Variants in MTMR4 observed in about 807,000 individuals in gnomAD.
The protein encoded by MTMR4 is phosphatidylinositol-3,5-bisphosphate 3-phosphatase MTMR4.
In MTMR4, 30 loss-of-function variants were observed where a neutral mutation model predicts 125.5. The ratio of observed to expected loss-of-function variants is 0.24; its 90% CI spans 0.18 to 0.32. The LOEUF is 0.32. MTMR4 is among the 10% of genes least tolerant of loss of function. MTMR4 has a pLI of 1.00. For missense variants in MTMR4, 1,039 were observed against 1,511.5 expected (o/e 0.69, Z 5.18); for synonymous variants, 498 against 564.5 (o/e 0.88, Z 1.67).
upstream of MTMR4, chr17:58,515,049 C>T (rs923643860): frequency 1.0e-6 from 1 of 985,282 alleles, no homozygotes. Context: ...CTTTCTTTCC[C>T]CTTAGAATGG....
chr17:58,505,899 T>G (rs1204753151), intron 9 of MTMR4, among the ~76,000 whole-genome samples: 7 of 152,042 alleles, frequency 4.6e-5, no homozygotes, highest in African/African-American at 1.7e-4. Context: ...AGAGCGAGAC[T>G]CCGTCTCAAA....
rs1210683245 is a variant in MTMR4, at chr17:58,504,851, A to G, written c.1269T>C (p.Asp423=). ...CGATCTGCGGTGTGCGGTCCCAGCCATCTGAGCAGTGTACCAGCACAGGCC... is the reference window on the plus strand; with the variant it reads ...CGATCTGCGGTGTGCGGTCCCAGCCGTCTGAGCAGTGTACCAGCACAGGCC... The part of the protein sequence containing the change: ...EGRPVLVHCS[D]GWDRTPQIVA... The change falls in exon 11 of 18, where the codon GAT becomes GAC. Residue 423 remains aspartate (D), a synonymous_variant. Coordinates refer to ENST00000682306, the MANE Select transcript of MTMR4 (RefSeq NM_001378067.1). The surrounding 1 kb of genome is among the most constrained non-coding windows in gnomAD (Gnocchi z 7.1). 6.2e-7 allele frequency: 1 copy of G among 1,614,210 alleles called. No individual in the cohort carries two copies. Among genetic ancestry groups the G allele is most frequent in the East Asian group, 2.2e-5 (1 of 44,882 alleles).
chr17:58,508,366 G>A lies in MTMR4; in HGVS notation c.594-92C>T. Reference sequence around the variant, plus strand: ...ATGGCTTTGTGGGAAGAGAAACCATGAGCCTTCCTCCCTCTCAGACTCAGA... The same window carrying A: ...ATGGCTTTGTGGGAAGAGAAACCATAAGCCTTCCTCCCTCTCAGACTCAGA... On this transcript the variant is annotated intron_variant, in intron 6 of 17. Coordinates refer to ENST00000682306, the MANE Select transcript of MTMR4 (RefSeq NM_001378067.1). The surrounding 1 kb of genome is among the most constrained non-coding windows in gnomAD (Gnocchi z 4.8). 2 of 1,542,392 alleles carry A rather than the reference G, an allele frequency of 1.3e-6. No individual in the cohort carries two copies. The highest frequency in any genetic ancestry group is 1.8e-6 in the Non-Finnish European group (2 of 1,115,312).
chr17:58,505,041 C>T, intron 10 of MTMR4, 67 bp from the exon 11 acceptor site: 1 of 1,446,570 alleles, frequency 6.9e-7, no homozygotes, highest in Non-Finnish European at 9.3e-7. Flanking sequence ...CTCCACCATC[C>T]ACAGCCAGCC....
At chr17:58,493,631 G>A (rs1224239862) in intron 15 of MTMR4, among the ~76,000 whole-genome samples, 3 of 152,184 alleles carry the variant, frequency 2.0e-5, no homozygotes, top group Non-Finnish European at 4.4e-5. Context: ...TAAGACTACA[G>A]GCGTGAGCCA....
In MTMR4 at chr17:58,496,245, G is replaced by A; in HGVS notation, c.1939C>T (p.Leu647=). The change falls in exon 15 of 18, where the codon CTG becomes TTG. Residue 647 remains leucine, a synonymous_variant. Transcript: ENST00000682306. ...PLTRTSSDPN[L]NNHCQEVRVG... ...CTGACCTCCTGACAGTGGTTATTCA[G>A]GTTAGGGTCACTGGATGTACGAGTC... The A allele has an allele frequency of 1.2e-6, 2 of 1,614,166 alleles. No homozygotes were observed. Among genetic ancestry groups the A allele is most frequent in the Non-Finnish European group, 1.7e-6 (2 of 1,180,024 alleles).
rs1226263779 is a variant in MTMR4 at position 58,504,261 on chromosome 17, G to A, written c.1528-41C>T. The A allele has an allele frequency of 7.5e-6, 12 of 1,604,112 alleles. No individual in the cohort carries two copies. Among genetic ancestry groups the A allele is most frequent in the Non-Finnish European group, 1.0e-5 (12 of 1,171,980 alleles). On this transcript the variant is annotated intron_variant, in intron 12 of 17. Transcript: ENST00000682306. The surrounding 1 kb of genome is among the most constrained non-coding windows in gnomAD (Gnocchi z 7.1). ...AGCTTGCACCTGGGGGCCTCGGGCT[G>A]TCATTCCCCCCATCCCTGTTGTCAC...
chr17:58,502,773 G>A (rs892537319), intron 14 of MTMR4, among the ~76,000 whole-genome samples: 5 of 152,208 alleles, frequency 3.3e-5, no homozygotes, highest in Non-Finnish European at 7.4e-5. Context: ...CCTATGTAGA[G>A]ATAAACATTT....
upstream of MTMR4, among the ~76,000 whole-genome samples, chr17:58,516,773 G>A (rs1342173470): frequency 6.6e-6 from 1 of 152,234 alleles, no homozygotes; most frequent in Non-Finnish European, 1.5e-5. Context: ...ATGCCAGAGA[G>A]AGGCAATGGG....
intron 7 of MTMR4, 38 bp from the exon 8 acceptor site, chr17:58,507,357 C>T (rs767051211): frequency 4.4e-6 from 7 of 1,591,706 alleles, no homozygotes; most frequent in East Asian, 2.2e-5. Context: ...CCTTGGCATT[C>T]GAAGCCTCCA....
chr17:58,512,759 T>C lies in MTMR4; in HGVS notation c.135+93A>G, dbSNP rs879344844. Reference sequence around the variant, plus strand: ...AGGGAACATGAAGCCAGAGCTCTGGTACCAGATGCCCTTGAGGATTTTTGG... The same window carrying C: ...AGGGAACATGAAGCCAGAGCTCTGGCACCAGATGCCCTTGAGGATTTTTGG... On this transcript the variant is annotated intron_variant, in intron 2 of 17. Coordinates refer to ENST00000682306, the MANE Select transcript of MTMR4 (RefSeq NM_001378067.1). This position sits in a 1 kb window ranked among gnomAD's most constrained non-coding sequence, Gnocchi z 4.1. 5 of 1,106,014 alleles carry C rather than the reference T, an allele frequency of 4.5e-6. No homozygotes were observed. The highest frequency in any genetic ancestry group is 6.8e-6 in the Non-Finnish European group (5 of 736,034). The allele number at this position is 1,106,014 out of a possible 1,614,324, so 68.5% of individuals were successfully genotyped here.
Position 58,490,882 on chromosome 17 carries a change from T to A in MTMR4, c.*781A>T, listed in dbSNP as rs1366849741. 2 of 152,670 alleles carry A rather than the reference T, an allele frequency of 1.3e-5. No individual in the cohort carries two copies. The highest frequency in any genetic ancestry group is 1.9e-4 in the East Asian group (1 of 5,206). 9.5% of individuals were successfully genotyped at this position (152,670 alleles called of 1,614,324 possible). On this transcript the variant is annotated 3_prime_UTR_variant, in exon 18 of 18. Transcript: ENST00000682306. ...GATAATTTTTGCTTTTCCCTTCTCA[T>A]TCTTCACAGTGCATAACTCAAGAGC...
chr17:58,508,111 C>T lies in MTMR4; in HGVS notation c.707+50G>A. The T allele has an allele frequency of 7.0e-7, 1 of 1,426,658 alleles. No homozygotes were observed. The highest frequency in any genetic ancestry group is 9.9e-7 in the Non-Finnish European group (1 of 1,014,416). 88.4% of individuals were successfully genotyped at this position (1,426,658 alleles called of 1,614,324 possible). A position where few individuals can be genotyped will look rare whatever the true frequency, so the allele number is the denominator to read the frequency against. On this transcript the variant is annotated intron_variant, in intron 7 of 17. Coordinates refer to ENST00000682306, the MANE Select transcript of MTMR4 (RefSeq NM_001378067.1). The surrounding 1 kb of genome is among the most constrained non-coding windows in gnomAD (Gnocchi z 4.8). ...CCAAAATCTCCAATTTTGACTCTTT[C>T]CTTGTTGCATAAGAAATGGCCTCCC... is the stretch of plus-strand genomic sequence containing the variant.
chr17:58,503,388 C>G (rs1452739685), intron 14 of MTMR4, among the ~76,000 whole-genome samples: 1 of 152,164 alleles, frequency 6.6e-6, no homozygotes, highest in Non-Finnish European at 1.5e-5. Flanking sequence ...TGGCTCACGC[C>G]TGTAATCCCA....
Position 58,512,920 on chromosome 17 carries a change from G to A in MTMR4, c.67C>T (p.Leu23=), listed in dbSNP as rs771920409. Residue 23 remains leucine, a synonymous_variant, in exon 2 of 18, where the codon CTG becomes TTG. Coordinates refer to ENST00000682306, the MANE Select transcript of MTMR4 (RefSeq NM_001378067.1). The surrounding 1 kb of genome is among the most constrained non-coding windows in gnomAD (Gnocchi z 4.1). ...AGATCCTTGGCTTGGATGTACTCCA[G>A]GCTGGGGGGCCCCTCCTCACCCTGT... The part of the protein sequence containing the change: ...SCFGEEGPPS[L]EYIQAKDLFP... 4 of 1,610,756 alleles carry A rather than the reference G, an allele frequency of 2.5e-6. No homozygotes were observed. In the East Asian group the frequency reaches 8.9e-5, roughly 36 times the overall value.
chr17:58,498,688 G>A (rs186342487), intron 14 of MTMR4, among the ~76,000 whole-genome samples: 9 of 152,090 alleles, frequency 5.9e-5, no homozygotes, highest in Admixed American at 2.0e-4. Flanking sequence ...ATTATTTCTC[G>A]AAATCTACTC....
intron 4 of MTMR4, among the ~76,000 whole-genome samples, chr17:58,509,276 C>G (rs749959450): frequency 2.0e-5 from 3 of 151,486 alleles, no homozygotes; most frequent in African/African-American, 4.9e-5. Context: ...ATAATGTCTC[C>G]TCTCTGCCTA....
At chr17:58,511,553 G>T (rs751800920) in intron 3 of MTMR4, 42 bp from the exon 4 acceptor site, 5 of 1,539,778 alleles carry the variant, frequency 3.2e-6, no homozygotes, top group Non-Finnish European at 4.5e-6. Context: ...TCCCCACTGG[G>T]TACCACTCCT....
Position 58,508,912 on chromosome 17 carries a change from AAC to A in MTMR4, c.336-73_336-72del. 1 of 1,535,678 alleles carries A rather than the reference AAC, an allele frequency of 6.5e-7. No individual in the cohort carries two copies. ...GTGCCATGGGGCTATCAGGGCCAAA[AAC>A]ACAGCCACAGGAAGGCTGTGAGGAG... On this transcript the variant is annotated intron_variant, in intron 4 of 17. Transcript: ENST00000682306. This position sits in a 1 kb window ranked among gnomAD's most constrained non-coding sequence, Gnocchi z 4.8.
Sources: allele counts gnomAD v4.1 joint callset (sites outside exome capture counted in the v4.1 genomes callset), GRCh38; gene constraint gnomAD v4.1.1; non-coding constraint Gnocchi (gnomAD v3.1); transcripts MANE v1.5; gene names NCBI Gene and HGNC (gene_info 2026-07-23, HGNC 2026-07-21).